APC: variants seen among roughly 807,000 people sequenced by gnomAD.
APC encodes the protein adenomatous polyposis coli protein.
In APC, 72 loss-of-function variants were observed where a neutral mutation model predicts 247.0. That is an observed-to-expected ratio of 0.29 (90% CI 0.24 to 0.35). The LOEUF is 0.35. Ranked by LOEUF, APC falls within the 10% of genes least tolerant of loss-of-function variation. The pLI is 1.00. For synonymous variants in APC, 1,254 were observed against 1,162.5 expected (o/e 1.08, Z -1.60); for missense variants, 3,400 against 3,360.7 (o/e 1.01, Z -0.29).
rs397817775 is a variant in APC, at chr5:112,844,531, C to CAA, written c.*413_*414dup. 7.4e-4 allele frequency: 168 copies of CAA among 225,666 alleles called. No individual in the cohort carries two copies. The highest frequency in any genetic ancestry group is 1.8e-3 in the East Asian group (26 of 14,532). 14.0% of individuals were successfully genotyped at this position (225,666 alleles called of 1,614,324 possible). A position where few individuals can be genotyped will look rare whatever the true frequency, so the allele number is the denominator to read the frequency against. On this transcript the variant is annotated 3_prime_UTR_variant, in exon 16 of 16. Transcript: ENST00000257430. ...CATCAGGGAAAAATTGGTATTTATG[C>CAA]AAAAAAAAATGTTTTTGTCCTTGTG...
intron 14 of APC, among the ~76,000 whole-genome samples, chr5:112,830,539 C>G (rs1764190048): frequency 6.6e-6 from 1 of 152,178 alleles, no homozygotes; most frequent in Non-Finnish European, 1.5e-5. Flanking sequence ...CCCAACCATT[C>G]CACTTCTAAG....
At chr5:112,781,353 A>G (rs1004476281) in intron 6 of APC, among the ~76,000 whole-genome samples, 2 of 152,250 alleles carry the variant, frequency 1.3e-5, no homozygotes, top group African/African-American at 4.8e-5. Flanking sequence ...TATGGAGAAC[A>G]TTCCCATATT....
intron 1 of APC, chr5:112,738,235 G>A: frequency 1.0e-6 from 1 of 971,894 alleles, no homozygotes. Flanking sequence ...CCATTTGACA[G>A]AGTGGAATAA....
At chr5:112,708,963 A>G (rs1750692588) in intron 1 of APC, among the ~76,000 whole-genome samples, 1 of 152,206 alleles carries the variant, frequency 6.6e-6, no homozygotes, top group African/African-American at 2.4e-5. Context: ...TCAAAGCGGT[A>G]GTGGAGGAAG....
chr5:112,728,830 G>A (rs1010390501), intron 1 of APC, among the ~76,000 whole-genome samples: 2 of 152,022 alleles, frequency 1.3e-5, no homozygotes, highest in African/African-American at 4.8e-5. Context: ...ACTAGAAACT[G>A]GTCCTGTAAT....
At chr5:112,814,475 C>T (rs568036270) in intron 8 of APC, among the ~76,000 whole-genome samples, 1 of 152,280 alleles carries the variant, frequency 6.6e-6, no homozygotes, top group African/African-American at 2.4e-5. Context: ...CGACTCCCAG[C>T]CCCTCTTTAC....
In APC at chr5:112,840,702, G is replaced by A. The variant is rs587778042; in HGVS notation, c.5108G>A (p.Gly1703Glu). 6.2e-7 allele frequency: 1 copy of A among 1,614,040 alleles called. No homozygotes were observed. The highest frequency in any genetic ancestry group is 8.5e-7 in the Non-Finnish European group (1 of 1,179,962). Reference protein sequence around the residue: ...EGRSTDEAQGGKTSSVTIPEL... With the variant: ...EGRSTDEAQGEKTSSVTIPEL... ...AGAAGTACAGATGAGGCTCAAGGAG[G>A]AAAAACCTCATCTGTAACCATACCT... Residue 1703 changes from glycine to glutamate, a missense_variant, in exon 16 of 16, where the codon GGA becomes GAA. This residue lies in a region of APC where 1,788 missense variants were observed against 1,649.5 expected (regional missense o/e 1.08). Transcript: ENST00000257430. The surrounding 1 kb of genome is among the most constrained non-coding windows in gnomAD (Gnocchi z 4.1).
intron 1 of APC, among the ~76,000 whole-genome samples, chr5:112,714,517 G>T (rs1265168860): frequency 6.6e-6 from 1 of 152,122 alleles, no homozygotes; most frequent in Admixed American, 6.6e-5. Flanking sequence ...AAAACATCAA[G>T]GACTTAATTT....
rs1057524550 is a variant in APC at position 112,842,449 on chromosome 5, T to C, written c.6855T>C (p.Val2285=). 6.2e-7 allele frequency: 1 copy of C among 1,614,070 alleles called. No homozygotes were observed. The highest frequency in any genetic ancestry group is 1.7e-5 in the Admixed American group (1 of 60,002). ...KPSVKSELSP[V]ARQTSQIGGS... ...CTGTGAAATCAGAATTAAGCCCTGTTGCCAGGCAGACATCCCAAATAGGTG... is the reference window on the plus strand; with the variant it reads ...CTGTGAAATCAGAATTAAGCCCTGTCGCCAGGCAGACATCCCAAATAGGTG... The change falls in exon 16 of 16, where the codon GTT becomes GTC. Residue 2285 remains valine, a synonymous_variant. Coordinates refer to ENST00000257430, the MANE Select transcript of APC (RefSeq NM_000038.6).
chr5:112,760,341 T>C (rs1291853156), intron 2 of APC, among the ~76,000 whole-genome samples: 2 of 152,164 alleles, frequency 1.3e-5, no homozygotes, highest in Non-Finnish European at 2.9e-5. Context: ...TGCAGGAGAC[T>C]TGGGATAGAC....
At chr5:112,741,340 G>A (rs963772726) in intron 1 of APC, among the ~76,000 whole-genome samples, 3 of 152,180 alleles carry the variant, frequency 2.0e-5, no homozygotes, top group Non-Finnish European at 4.4e-5. Flanking sequence ...TCTGCTTAGA[G>A]TCACAGAGAA....
intron 1 of APC, among the ~76,000 whole-genome samples, chr5:112,713,170 C>CAA (rs10625710): frequency 0.45 from 48,075 of 107,368 alleles, 10,647 homozygotes; most frequent in East Asian, 0.68. Context: ...GACTCCATAG[C>CAA]AAAAAAAAAA....
chr5:112,758,855 G>A (rs1003027355), intron 2 of APC, among the ~76,000 whole-genome samples: 5 of 152,010 alleles, frequency 3.3e-5, no homozygotes, highest in South Asian at 2.1e-4. Context: ...CACCCGCCTC[G>A]GCCTCTCAAA....
At chr5:112,708,977 C>T (rs1454533501) in intron 1 of APC, among the ~76,000 whole-genome samples, 1 of 152,104 alleles carries the variant, frequency 6.6e-6, no homozygotes, top group African/African-American at 2.4e-5. Flanking sequence ...GAGGAAGTTG[C>T]CATGGCTAAT....
rs770526770 is a variant in APC at position 112,838,760 on chromosome 5, A to C, written c.3166A>C (p.Ile1056Leu). 4 of 1,614,052 alleles carry C rather than the reference A, an allele frequency of 2.5e-6. No individual in the cohort carries two copies. In the African/African-American group the frequency reaches 5.3e-5, roughly 22 times the overall value. Residue 1056 changes from isoleucine to leucine, a missense_variant, in exon 16 of 16, where the codon ATA becomes CTA. By Grantham distance (5) the Ile-to-Leu change is conservative (BLOSUM62 2). Coordinates refer to ENST00000257430, the MANE Select transcript of APC (RefSeq NM_000038.6). The part of the protein sequence containing the change: ...NERWARPKHI[I>L]EDEIKQSEQR... ...AAGATGGGCAAGACCCAAACACATA[A>C]TAGAAGATGAAATAAAACAAAGTGA...
At chr5:112,806,111 G>T (rs1761352800) in intron 8 of APC, among the ~76,000 whole-genome samples, 1 of 152,054 alleles carries the variant, frequency 6.6e-6, no homozygotes, top group East Asian at 1.9e-4. Flanking sequence ...ATCCCATTTT[G>T]CTCAGTTAAC....
chr5:112,711,710 G>C (rs954386110), intron 1 of APC, among the ~76,000 whole-genome samples: 3 of 152,124 alleles, frequency 2.0e-5, no homozygotes, highest in Non-Finnish European at 4.4e-5. Flanking sequence ...GACAGAACGA[G>C]ACCCCATCTC....
chr5:112,827,348 C>A, intron 12 of APC, 101 bp downstream of exon 12: 1 of 1,295,792 alleles, frequency 7.7e-7, no homozygotes, highest in Non-Finnish European at 1.1e-6. Context: ...TCACTCTCCT[C>A]ATTAAACAAT....
rs1390291289 is a variant in APC, at chr5:112,799,204, A to C, written c.730-2075A>C. ...GTCTCAAAAAAAAAAAAAAAAAAAA[A>C]GGCACTTTAATATTACTCAACATAT... On this transcript the variant is annotated intron_variant, in intron 7 of 15. Coordinates refer to ENST00000257430, the MANE Select transcript of APC (RefSeq NM_000038.6). Among the ~76,000 whole-genome samples, 11 of 150,714 alleles carry C rather than the reference A, an allele frequency of 7.3e-5. No individual in the cohort carries two copies. The South Asian group carries it at 2.3e-3, about 32-fold the overall frequency.
Sources: allele counts gnomAD v4.1 joint callset (sites outside exome capture counted in the v4.1 genomes callset), GRCh38; gene constraint gnomAD v4.1.1; regional missense constraint gnomAD v4.1.1; non-coding constraint Gnocchi (gnomAD v3.1); transcripts MANE v1.5; gene names NCBI Gene and HGNC (gene_info 2026-07-23, HGNC 2026-07-21).